Variants in RBFOX1 observed in about 807,000 individuals in gnomAD.
RBFOX1 encodes RNA binding protein fox-1 homolog 1.
In RBFOX1, 8 loss-of-function variants were observed where a neutral mutation model predicts 57.7. The ratio of observed to expected loss-of-function variants is 0.14; its 90% CI spans 0.08 to 0.25. RBFOX1 has a LOEUF of 0.25. Ranked by LOEUF, RBFOX1 falls within the 10% of genes least tolerant of loss-of-function variation. The pLI is 1.00. For missense variants in RBFOX1, 611 were observed against 548.5 expected (o/e 1.11, Z -1.14); for synonymous variants, 326 against 222.4 (o/e 1.47, Z -4.15).
chr16:7,087,156 T>G, intron 4 of RBFOX1, among the ~76,000 whole-genome samples: 1 of 152,154 alleles, frequency 6.6e-6, no homozygotes, highest in East Asian at 1.9e-4. Context: ...TTTAAAGAGA[T>G]AAAGGGGAAG....
At chr16:5,523,997 C>T (rs1028678599) in intron 2 of RBFOX1, among the ~76,000 whole-genome samples, 1 of 152,310 alleles carries the variant, frequency 6.6e-6, no homozygotes, top group Non-Finnish European at 1.5e-5. Flanking sequence ...GGTCTTTAAA[C>T]ATACCACTCA....
chr16:6,051,339 T>C (rs978972956), intron 1 of RBFOX1, among the ~76,000 whole-genome samples: 3 of 151,732 alleles, frequency 2.0e-5, no homozygotes, highest in African/African-American at 7.3e-5. Flanking sequence ...TTTCTTTCCT[T>C]TTTTTTGAGA....
At chr16:5,919,364 C>T (rs142698139) in intron 4 of RBFOX1, among the ~76,000 whole-genome samples, 10 of 152,178 alleles carry the variant, frequency 6.6e-5, no homozygotes, top group African/African-American at 1.9e-4. Context: ...TATTTTGAGA[C>T]GGAGTTTTGT....
chr16:7,452,596 A>T (rs564519220), intron 4 of RBFOX1, among the ~76,000 whole-genome samples: 1 of 152,208 alleles, frequency 6.6e-6, no homozygotes, highest in East Asian at 1.9e-4. Flanking sequence ...TTATTTATTC[A>T]TGCATGAAAT....
chr16:6,492,141 T>C (rs1384256215), intron 2 of RBFOX1, among the ~76,000 whole-genome samples: 1 of 152,174 alleles, frequency 6.6e-6, no homozygotes, highest in Admixed American at 6.5e-5. Context: ...TGCGGGCGTG[T>C]GAAAGTTTCC....
chr16:7,047,748 CTT>C (rs2048515977), intron 3 of RBFOX1, among the ~76,000 whole-genome samples: 1 of 43,778 alleles, frequency 2.3e-5, no homozygotes. Flanking sequence ...TTTTTTTTGT[CTT>C]CAATTTTTTT....
intron 7 of RBFOX1, among the ~76,000 whole-genome samples, chr16:7,588,717 T>C (rs1344150367): frequency 6.6e-6 from 1 of 152,188 alleles, no homozygotes; most frequent in Non-Finnish European, 1.5e-5. Context: ...ACAGGCCACA[T>C]TGCCAGCTCT....
chr16:6,772,394 A>G (rs1052969640), intron 3 of RBFOX1, among the ~76,000 whole-genome samples: 31 of 151,836 alleles, frequency 2.0e-4, no homozygotes, highest in Admixed American at 1.9e-3. Context: ...AGGTGGGCAC[A>G]GGCTGGAAGG....
At chr16:6,832,157 C>G (rs372739557) in intron 3 of RBFOX1, among the ~76,000 whole-genome samples, 3 of 152,108 alleles carry the variant, frequency 2.0e-5, no homozygotes, top group Non-Finnish European at 4.4e-5. Context: ...CAACTTTGTT[C>G]CTAAATTCAT....
At chr16:6,973,479 A>G (rs1351969138) in intron 3 of RBFOX1, among the ~76,000 whole-genome samples, 1 of 152,198 alleles carries the variant, frequency 6.6e-6, no homozygotes, top group East Asian at 1.9e-4. Flanking sequence ...GGACCCAACT[A>G]GGAATTTTCT....
intron 1 of RBFOX1, among the ~76,000 whole-genome samples, chr16:5,275,825 G>A (rs1222045694): frequency 1.3e-5 from 2 of 152,124 alleles, no homozygotes; most frequent in Non-Finnish European, 1.5e-5. Flanking sequence ...CATGGTGCTG[G>A]TATAAAAATA....
At chr16:6,862,039 A>G (rs543807138) in intron 3 of RBFOX1, among the ~76,000 whole-genome samples, 15 of 152,234 alleles carry the variant, frequency 9.9e-5, no homozygotes, top group African/African-American at 3.1e-4. Context: ...GCTCCAGTCA[A>G]TACTGTCAGG....
At chr16:5,274,824 T>G (rs1826814372) in intron 1 of RBFOX1, among the ~76,000 whole-genome samples, 2 of 152,234 alleles carry the variant, frequency 1.3e-5, no homozygotes, top group South Asian at 4.1e-4. Flanking sequence ...CCTTACCCTC[T>G]GTTTCCCTTT....
chr16:5,918,411 C>T (rs1488892451), intron 4 of RBFOX1, among the ~76,000 whole-genome samples: 3 of 152,204 alleles, frequency 2.0e-5, no homozygotes, highest in Non-Finnish European at 4.4e-5. Context: ...AGAGCAACCA[C>T]GCCCAGCCAG....
chr16:6,864,989 C>CTTTTTCT lies in RBFOX1; in HGVS notation c.-15-187062_-15-187056dup, dbSNP rs1567620052. Among the ~76,000 whole-genome samples, 507 of 105,748 alleles carry CTTTTTCT rather than the reference C, an allele frequency of 4.8e-3. 5 individuals are homozygous for CTTTTTCT. Among genetic ancestry groups the CTTTTTCT allele is most frequent in the South Asian group, 6.4e-3 (19 of 2,968 alleles). 69.4% of individuals were successfully genotyped at this position (105,748 alleles called of 152,430 possible). Reference sequence around the variant, plus strand: ...AGTGCCAATGTTGGAGTGGGTTTTTCTTTTTCTTTTTTTTTTTTTTTTTTT... The same window carrying CTTTTTCT: ...AGTGCCAATGTTGGAGTGGGTTTTTCTTTTTCTTTTTTCTTTTTTTTTTTTTTTTTTT... On this transcript the variant is annotated intron_variant, in intron 3 of 15. Transcript: ENST00000550418.
intron 4 of RBFOX1, among the ~76,000 whole-genome samples, chr16:5,884,338 T>G (rs931397609): frequency 6.6e-6 from 1 of 152,246 alleles, no homozygotes; most frequent in Admixed American, 6.5e-5. Flanking sequence ...AATGATAGTG[T>G]GCTTTTGAGT....
chr16:7,161,464 T>C (rs1431157613), intron 4 of RBFOX1, among the ~76,000 whole-genome samples: 6 of 152,208 alleles, frequency 3.9e-5, no homozygotes, highest in Admixed American at 2.0e-4. Context: ...CTTCTAGTCA[T>C]TATTGCCTGT....
chr16:5,985,224 C>A (rs915125151), intron 4 of RBFOX1, among the ~76,000 whole-genome samples: 1 of 151,468 alleles, frequency 6.6e-6, no homozygotes, highest in Non-Finnish European at 1.5e-5. Context: ...GATCTCCTGA[C>A]CTCCTGATCC....
intron 2 of RBFOX1, among the ~76,000 whole-genome samples, chr16:5,591,693 C>T (rs1200905044): frequency 2.6e-5 from 4 of 152,142 alleles, no homozygotes; most frequent in Non-Finnish European, 4.4e-5. Context: ...TGTTTTCTCC[C>T]CGTCATTCCA....
Sources: allele counts gnomAD v4.1 joint callset (sites outside exome capture counted in the v4.1 genomes callset), GRCh38; gene constraint gnomAD v4.1.1; transcripts MANE v1.5; gene names NCBI Gene and HGNC (gene_info 2026-07-23, HGNC 2026-07-21).